The following ERMP1 variants were observed in gnomAD, a reference collection of about 807,000 sequenced individuals.
ERMP1 encodes endoplasmic reticulum metallopeptidase 1, also known as Felix-ina.
In ERMP1, 86 loss-of-function variants were observed where a neutral mutation model predicts 92.0. That is an observed-to-expected ratio of 0.93 (90% CI 0.79 to 1.12). ERMP1 has a LOEUF of 1.12. Among genes scored for constraint, ERMP1 ranks in the 50% most tolerant of loss-of-function variants. The pLI is 0.00. For missense variants in ERMP1, 1,342 were observed against 1,116.3 expected, an observed-to-expected ratio of 1.20 and a Z score of -2.88; for synonymous variants, 530 against 412.8, an observed-to-expected ratio of 1.28 and a Z score of -3.44.
At chr9:5,813,388 A>G (rs983252913) in intron 4 of ERMP1, among the ~76,000 whole-genome samples, 1 of 152,198 alleles carries the variant, frequency 6.6e-6, no homozygotes. Flanking sequence ...CTCAAGATAT[A>G]TATACTTTGT....
intron 5 of ERMP1, 135 bp from the exon 6 acceptor site, chr9:5,812,352 C>T (rs765620301): frequency 9.8e-5 from 58 of 591,994 alleles, no homozygotes; most frequent in Non-Finnish European, 1.4e-4. Context: ...CATTTACAAA[C>T]GACTGATATA....
intron 13 of ERMP1, among the ~76,000 whole-genome samples, chr9:5,792,813 A>G (rs571470641): frequency 1.1e-4 from 16 of 152,324 alleles, no homozygotes; most frequent in African/African-American, 3.6e-4. Flanking sequence ...GCAACCACTA[A>G]AATAAGTATA....
intron 13 of ERMP1, among the ~76,000 whole-genome samples, chr9:5,795,006 T>C (rs1042085352): frequency 6.6e-6 from 1 of 152,126 alleles, no homozygotes; most frequent in Non-Finnish European, 1.5e-5. Flanking sequence ...TAACAAAATA[T>C]TAGTAAATCA....
chr9:5,845,535 T>C (rs1830224573), intron 6 of ERMP1, among the ~76,000 whole-genome samples: 2 of 152,216 alleles, frequency 1.3e-5, no homozygotes, highest in African/African-American at 2.4e-5. Flanking sequence ...ATTGATTGAT[T>C]GATCGATCGA....
intron 6 of ERMP1, among the ~76,000 whole-genome samples, chr9:5,857,124 C>G (rs1263100107): frequency 6.6e-6 from 1 of 152,062 alleles, no homozygotes; most frequent in Non-Finnish European, 1.5e-5. Flanking sequence ...TGGGCTCAAG[C>G]CATCCTCCCA....
At chr9:5,838,873 AAC>A (rs1830124613) in intron 6 of ERMP1, among the ~76,000 whole-genome samples, 1 of 152,156 alleles carries the variant, frequency 6.6e-6, no homozygotes, top group Admixed American at 6.5e-5. Context: ...GAAAGGAAAG[AAC>A]ACTAAAGCAA....
chr9:5,815,980 G>GA (rs1242946628), intron 4 of ERMP1, among the ~76,000 whole-genome samples: 1 of 151,802 alleles, frequency 6.6e-6, no homozygotes, highest in Non-Finnish European at 1.5e-5. Flanking sequence ...AAAATACAAT[G>GA]AAAACCATAC....
chr9:5,812,169 T>TA lies in ERMP1; in HGVS notation c.1069dup (p.Tyr357LeufsTer2). 6.2e-7 allele frequency: 1 copy of TA among 1,611,758 alleles called. No individual in the cohort carries two copies. On this transcript the variant is annotated frameshift_variant, in exon 6 of 15. Transcript: ENST00000339450. LOFTEE classifies it high-confidence loss of function. ...TGTTAGAATTCTGTCCGCTGTGTCA[T>TA]ACTTGGTGTGATAAATGTATCCATT...
chr9:5,862,660 C>T (rs373151450), intron 5 of ERMP1, among the ~76,000 whole-genome samples: 8 of 152,258 alleles, frequency 5.3e-5, no homozygotes, highest in African/African-American at 1.9e-4. Flanking sequence ...AATCACATTT[C>T]TTCATTTTAT....
At chr9:5,815,987 A>C (rs1054642890) in intron 4 of ERMP1, among the ~76,000 whole-genome samples, 5 of 152,136 alleles carry the variant, frequency 3.3e-5, no homozygotes, top group African/African-American at 1.2e-4. Flanking sequence ...AATGAAAACC[A>C]TACTGAAAAA....
rs948252699 is a variant in ERMP1, at chr9:5,787,088, GAAACC to G, written c.*51_*55del. ...TACAAACATCCACGTAACATAGGGA[GAAACC>G]ATGTCACATGGAGTATCCACTGGGC... On this transcript the variant is annotated 3_prime_UTR_variant, in exon 15 of 15. Transcript: ENST00000339450. The G allele has an allele frequency of 4.7e-5, 69 of 1,483,058 alleles. No homozygotes were observed. The highest frequency in any genetic ancestry group is 6.2e-5 in the Non-Finnish European group (67 of 1,088,932). The allele number at this position is 1,483,058 out of a possible 1,614,324, so 91.9% of individuals were successfully genotyped here.
At chr9:5,809,765 A>C (rs1034151779) in intron 8 of ERMP1, among the ~76,000 whole-genome samples, 4 of 152,242 alleles carry the variant, frequency 2.6e-5, no homozygotes, top group African/African-American at 9.6e-5. Flanking sequence ...TGTGCTAACA[A>C]GCCTTCCAGT....
chr9:5,806,267 G>GT (rs545591619), intron 8 of ERMP1, among the ~76,000 whole-genome samples: 109 of 152,244 alleles, frequency 7.2e-4, no homozygotes, highest in South Asian at 1.5e-3. Flanking sequence ...ATTTTCATGA[G>GT]TTTTTTCTAT....
intron 8 of ERMP1, among the ~76,000 whole-genome samples, chr9:5,809,214 G>A (rs1320469416): frequency 7.9e-5 from 12 of 151,680 alleles, no homozygotes; most frequent in Admixed American, 7.9e-4. Context: ...TAGAGACGGG[G>A]TTTCACCGTG....
chr9:5,798,665 A>C (rs1331711514), intron 12 of ERMP1, 141 bp downstream of exon 12: 4 of 581,578 alleles, frequency 6.9e-6, no homozygotes, highest in African/African-American at 1.9e-5. Context: ...AAAAAAAAAA[A>C]AGTTTCATAA....
chr9:5,827,592 T>C (rs944742965), intron 2 of ERMP1, among the ~76,000 whole-genome samples: 1 of 152,194 alleles, frequency 6.6e-6, no homozygotes, highest in Non-Finnish European at 1.5e-5. Context: ...CCAGGCGCAG[T>C]GGCTCACACC....
At chr9:5,855,184 C>G (rs1334640998) in intron 6 of ERMP1, among the ~76,000 whole-genome samples, 1 of 152,002 alleles carries the variant, frequency 6.6e-6, no homozygotes, top group Admixed American at 6.6e-5. Flanking sequence ...AATATATAGT[C>G]TAAAAAAATA....
chr9:5,849,313 G>A (rs1018172583), intron 6 of ERMP1, among the ~76,000 whole-genome samples: 5 of 152,212 alleles, frequency 3.3e-5, no homozygotes, highest in East Asian at 1.9e-4. Flanking sequence ...GAGCCACTGC[G>A]TCTGGCCCAG....
At chr9:5,824,848 C>A (rs1829676000) in intron 3 of ERMP1, among the ~76,000 whole-genome samples, 1 of 152,148 alleles carries the variant, frequency 6.6e-6, no homozygotes, top group Non-Finnish European at 1.5e-5. Context: ...CCAGCGAGAG[C>A]CCTTCTCTCA....
Sources: gnomAD v4.1 joint callset for allele counts (sites outside exome capture counted in the v4.1 genomes callset) on GRCh38, gnomAD v4.1.1 for gene constraint, MANE v1.5 for transcripts, NCBI Gene and HGNC (gene_info 2026-07-23, HGNC 2026-07-21) for gene names.